The following POU5F1B variants were observed in gnomAD, a reference collection of about 807,000 sequenced individuals.
The protein encoded by POU5F1B is POU class 5 homeobox 1B.
Under a neutral mutation model 28.1 loss-of-function variants are expected in POU5F1B, and 24 were observed. That is an observed-to-expected ratio of 0.85 (90% CI 0.62 to 1.20). The LOEUF (loss-of-function observed/expected upper bound fraction) is 1.20, where lower values mean the gene tolerates loss of function less well. Among genes scored for constraint, POU5F1B ranks in the 50% most tolerant of loss-of-function variants. The probability of loss-of-function intolerance (pLI) is 0.00; values close to 1 mark genes in which losing one functional copy is unlikely to be tolerated. For synonymous variants in POU5F1B, 220 were observed against 193.2 expected (o/e 1.14, Z -1.15); for missense variants, 451 against 451.5 (o/e 1.00, Z 0.01).
At chr8:127,415,298 C>G (rs568796300) in intron 2 of POU5F1B, 1 of 152,558 alleles carries the variant, frequency 6.6e-6, no homozygotes, top group South Asian at 2.1e-4. Context: ...AGAATTTGCA[C>G]TATTAAATCT....
exon 3 of POU5F1B, chr8:127,416,762 C>T (rs777361565): frequency 6.2e-7 from 1 of 1,607,508 alleles, no homozygotes; most frequent in South Asian, 1.1e-5. Context: ...GATTTTGAGG[C>T]TGCTGGGTCT....
At chr8:127,416,767 G>A (rs1296424149) in exon 3 of POU5F1B, 1 of 1,607,318 alleles carries the variant, frequency 6.2e-7, no homozygotes, top group Non-Finnish European at 8.5e-7. Flanking sequence ...TGAGGCTGCT[G>A]GGTCTCCTTT....
chr8:127,415,672 G>C, exon 3 of POU5F1B: 1 of 879,188 alleles, frequency 1.1e-6, no homozygotes, highest in Non-Finnish European at 1.6e-6. Flanking sequence ...TCAATTCACA[G>C]GTGATTATGA....
intron 1 of POU5F1B, among the ~76,000 whole-genome samples, chr8:127,413,857 TACAC>T (rs3999776): frequency 1.3e-4 from 20 of 150,706 alleles, no homozygotes; most frequent in Middle Eastern, 3.4e-3. Flanking sequence ...AAAAAGGTGG[TACAC>T]ACACACACAC....
chr8:127,413,888 A>G lies in POU5F1B; in HGVS notation c.-559-1000A>G, dbSNP rs562108723. Among the ~76,000 whole-genome samples, 5 of 146,112 alleles carry G rather than the reference A, an allele frequency of 3.4e-5. No homozygotes were observed. In the Admixed American group the frequency reaches 3.5e-4, roughly 10 times the overall value. ...CACACACACACACACACAACACCCG[A>G]TATAATACAATATTTTCAAATGACA... On this transcript the variant is annotated intron_variant, in intron 1 of 2. Transcript: ENST00000465342.
exon 3 of POU5F1B, chr8:127,415,792 T>C: frequency 6.9e-7 from 1 of 1,458,842 alleles, no homozygotes; most frequent in Non-Finnish European, 9.1e-7. Context: ...AGCCATACGG[T>C]CACAGAGCTT....
chr8:127,416,475 G>C (rs780723367), exon 3 of POU5F1B: 19 of 1,609,588 alleles, frequency 1.2e-5, no homozygotes, highest in Non-Finnish European at 1.6e-5. Flanking sequence ...TGCGGCCCTT[G>C]CTGCAGAAGT....
chr8:127,414,896 C>T (rs1190933049), exon 2 of POU5F1B: 1 of 152,272 alleles, frequency 6.6e-6, no homozygotes. Context: ...AGGTCATTCT[C>T]TCTGGGTGAA....
exon 3 of POU5F1B, chr8:127,416,012 C>A: frequency 1.3e-6 from 2 of 1,598,204 alleles, no homozygotes; most frequent in Non-Finnish European, 1.7e-6. Flanking sequence ...GGAATCGGGC[C>A]GGGGGTTGGG....
chr8:127,415,931 C>A (rs1418400893), exon 3 of POU5F1B: 1 of 1,557,262 alleles, frequency 6.4e-7, no homozygotes, highest in Non-Finnish European at 8.7e-7. Flanking sequence ...GGTGATGGGC[C>A]ATGGGGGGCG....
chr8:127,416,258 A>C, exon 3 of POU5F1B: 1 of 1,613,922 alleles, frequency 6.2e-7, no homozygotes, highest in Non-Finnish European at 8.5e-7. Flanking sequence ...AAGCTAGAGC[A>C]AAACCCGGAG....
exon 3 of POU5F1B, chr8:127,416,900 C>T (rs773796757): frequency 6.2e-7 from 1 of 1,600,264 alleles, no homozygotes; most frequent in Non-Finnish European, 8.5e-7. Context: ...GAAGTCTTTC[C>T]CCCAGTCTCC....
exon 3 of POU5F1B, chr8:127,416,055 C>T (rs1434608218): frequency 2.5e-6 from 4 of 1,609,632 alleles, no homozygotes; most frequent in South Asian, 1.1e-5. Flanking sequence ...TTCCCCCTTG[C>T]CCCCCGCCGT....
chr8:127,415,184 G>A (rs1815111182), intron 2 of POU5F1B, among the ~76,000 whole-genome samples: 1 of 152,220 alleles, frequency 6.6e-6, no homozygotes, highest in South Asian at 2.1e-4. Context: ...TGTGAGCTAT[G>A]TGTTAGTTGT....
chr8:127,416,708 G>T, exon 3 of POU5F1B: 1 of 1,609,228 alleles, frequency 6.2e-7, no homozygotes, highest in Non-Finnish European at 8.5e-7. Flanking sequence ...TGTAACCGGC[G>T]CCAGAAGGGC....
exon 3 of POU5F1B, chr8:127,417,197 A>T: frequency 3.6e-6 from 1 of 280,196 alleles, no homozygotes; most frequent in South Asian, 7.4e-5. Context: ...GACACAGTAA[A>T]AAAAAAAAAA....
chr8:127,416,684 T>G, exon 3 of POU5F1B: 1 of 1,607,840 alleles, frequency 6.2e-7, no homozygotes, highest in Admixed American at 1.7e-5. Flanking sequence ...AAGGATGTGG[T>G]CCGAGTGTGG....
exon 3 of POU5F1B, chr8:127,416,184 C>A: frequency 6.2e-7 from 1 of 1,613,862 alleles, no homozygotes; most frequent in South Asian, 1.1e-5. Context: ...TGGAGAGCAA[C>A]TCCAATGGGG....
Position 127,416,729 on chromosome 8 carries a change from G to C in POU5F1B, c.863G>C (p.Ser288Thr). 1.9e-6 allele frequency: 3 copies of C among 1,609,806 alleles called. No individual in the cohort carries two copies. The highest frequency in any genetic ancestry group is 2.5e-6 in the Non-Finnish European group (3 of 1,177,824). The change falls in exon 3 of 3, where the codon AGC becomes ACC. Residue 288 changes from serine to threonine, a missense_variant. Coordinates refer to ENST00000465342, the Ensembl canonical transcript of POU5F1B. The stretch of plus-strand genomic sequence containing the variant: ...CGGCGCCAGAAGGGCAAGCGATCAA[G>C]CAGCGACTATGCACAACGAGAGGAT...
Sources: allele counts gnomAD v4.1 joint callset (sites outside exome capture counted in the v4.1 genomes callset), GRCh38; gene constraint gnomAD v4.1.1; transcripts MANE v1.5; gene names NCBI Gene and HGNC (gene_info 2026-07-23, HGNC 2026-07-21).